The following ZMAT5 variants were observed in gnomAD, a reference collection of about 807,000 sequenced individuals.
ZMAT5 encodes zinc finger matrin-type 5.
Under a neutral mutation model 28.0 loss-of-function variants are expected in ZMAT5, and 23 were observed. That is an observed-to-expected ratio of 0.82 (90% CI 0.59 to 1.16). The LOEUF is 1.16. ZMAT5 is among the 50% of genes most tolerant of loss of function. ZMAT5 has a pLI of 0.00. For missense variants in ZMAT5, 173 were observed against 212.7 expected (o/e 0.81, Z 1.16); for synonymous variants, 76 against 84.1 (o/e 0.90, Z 0.52).
chr22:29,736,893 G>A lies in ZMAT5; in HGVS notation c.383+1437C>T, dbSNP rs1047151415. On this transcript the variant is annotated intron_variant, in intron 5 of 5. Coordinates refer to ENST00000344318, the MANE Select transcript of ZMAT5 (RefSeq NM_001003692.2). ...CACAAAAAAATTAGCCGGGCGTGGT[G>A]GCGGGTGCCTGTAGTCCCAGCTACT... Among the ~76,000 whole-genome samples, 20 of 152,032 alleles carry A rather than the reference G, an allele frequency of 1.3e-4. 3 individuals carry two copies. Among genetic ancestry groups the A allele is most frequent in the Admixed American group, 1.2e-3 (18 of 15,268 alleles).
At chr22:29,761,812 G>C (rs946505963) in intron 1 of ZMAT5, among the ~76,000 whole-genome samples, 1 of 152,280 alleles carries the variant, frequency 6.6e-6, no homozygotes, top group East Asian at 1.9e-4. Flanking sequence ...TTAGAGTTGT[G>C]ATTTTAGATT....
At chr22:29,745,258 G>A (rs570438400) in intron 2 of ZMAT5, among the ~76,000 whole-genome samples, 1 of 152,174 alleles carries the variant, frequency 6.6e-6, no homozygotes, top group South Asian at 2.1e-4. Flanking sequence ...TGGTGGGGGG[G>A]CCTGGCTTGG....
At chr22:29,765,145 G>A (rs1016696397) in intron 1 of ZMAT5, among the ~76,000 whole-genome samples, 5 of 152,142 alleles carry the variant, frequency 3.3e-5, no homozygotes, top group Admixed American at 2.0e-4. Flanking sequence ...TCAGCTGGAC[G>A]CGGTGGCTCA....
At chr22:29,757,822 A>T (rs1360930240) in intron 1 of ZMAT5, among the ~76,000 whole-genome samples, 2 of 152,210 alleles carry the variant, frequency 1.3e-5, no homozygotes, top group Non-Finnish European at 2.9e-5. Context: ...GTTCGAGACC[A>T]GCCTGACCAA....
rs375736975 is a variant in ZMAT5, at chr22:29,760,246, G to A, written c.-28+6626C>T. On this transcript the variant is annotated intron_variant, in intron 1 of 5. Transcript: ENST00000344318. ...AAATTAGCTGGGCATGGTGGCAGGC[G>A]CCTGTAATCCCAGCTACTCAGGAGG... is the stretch of plus-strand genomic sequence containing the variant. 2.9e-3 allele frequency among the ~76,000 whole-genome samples: 443 copies of A among 151,922 alleles called. 2 individuals are homozygous for A. Among genetic ancestry groups the A allele is most frequent in the African/African-American group, 0.01 (423 of 41,426 alleles).
chr22:29,765,438 C>CA (rs1023962256), intron 1 of ZMAT5, among the ~76,000 whole-genome samples: 53 of 151,596 alleles, frequency 3.5e-4, no homozygotes, highest in Non-Finnish European at 5.3e-4. Context: ...AAACAAAAAA[C>CA]AAAAAAAACT....
chr22:29,755,155 C>T (rs914188137), intron 1 of ZMAT5, among the ~76,000 whole-genome samples: 3 of 151,804 alleles, frequency 2.0e-5, no homozygotes, highest in Admixed American at 1.3e-4. Context: ...ATTAGCCAGG[C>T]GTGGTGGCAC....
intron 1 of ZMAT5, among the ~76,000 whole-genome samples, chr22:29,759,123 G>T (rs556025883): frequency 2.0e-5 from 3 of 152,144 alleles, no homozygotes; most frequent in African/African-American, 7.2e-5. Flanking sequence ...TGGGCTCCAG[G>T]AACTGCGGGC....
intron 1 of ZMAT5, among the ~76,000 whole-genome samples, chr22:29,755,727 A>G (rs140131): frequency 0.47 from 64,586 of 138,556 alleles, 14,241 homozygotes; most frequent in East Asian, 0.64. Context: ...TGTTAGTGTC[A>G]GTAACAATAA....
intron 5 of ZMAT5, among the ~76,000 whole-genome samples, chr22:29,732,915 A>C (rs1440753710): frequency 6.6e-6 from 1 of 152,176 alleles, no homozygotes; most frequent in Non-Finnish European, 1.5e-5. Context: ...CCCAAGGCGC[A>C]GGGCCAGGCC....
chr22:29,755,634 C>A (rs905763586), intron 1 of ZMAT5, among the ~76,000 whole-genome samples: 2 of 152,170 alleles, frequency 1.3e-5, no homozygotes. Flanking sequence ...TTTTACAGAC[C>A]AGAAAACAGT....
chr22:29,750,988 C>T (rs1046878512), intron 1 of ZMAT5, among the ~76,000 whole-genome samples: 35 of 152,188 alleles, frequency 2.3e-4, no homozygotes, highest in Non-Finnish European at 3.7e-4. Context: ...GCAGAGGGAC[C>T]GTGTCCCAGA....
intron 5 of ZMAT5, among the ~76,000 whole-genome samples, chr22:29,734,714 T>C (rs2067887637): frequency 6.6e-6 from 1 of 152,158 alleles, no homozygotes; most frequent in African/African-American, 2.4e-5. Flanking sequence ...AAATCACAAA[T>C]GATGCCTCAT....
intron 5 of ZMAT5, among the ~76,000 whole-genome samples, chr22:29,737,079 T>C (rs1183991087): frequency 7.2e-6 from 1 of 139,840 alleles, no homozygotes; most frequent in Non-Finnish European, 1.5e-5. Context: ...TCCCAACACG[T>C]TGCACTTTGG....
At chr22:29,748,219 G>C (rs896603857) in intron 2 of ZMAT5, 199 bp downstream of exon 2, 1 of 700,806 alleles carries the variant, frequency 1.4e-6, no homozygotes, top group Admixed American at 2.4e-5. Context: ...CCTGTCCACA[G>C]AGCCTTCAGT....
chr22:29,742,306 G>A, intron 3 of ZMAT5, 112 bp downstream of exon 3: 3 of 1,067,804 alleles, frequency 2.8e-6, no homozygotes, highest in Non-Finnish European at 1.4e-6. Context: ...CTGCTGCAAA[G>A]TGGGCTTGGG....
intron 4 of ZMAT5, 124 bp downstream of exon 4, chr22:29,740,526 C>T (rs1569335874): frequency 9.9e-7 from 1 of 1,009,480 alleles, no homozygotes; most frequent in African/African-American, 1.6e-5. Context: ...CTCCGCATCA[C>T]CCTGGGTGGC....
At position 29,752,219 on chromosome 22, in the gene ZMAT5, G is replaced by A. The variant is rs1210290906; in HGVS notation, c.-27-3648C>T. 4.6e-5 allele frequency among the ~76,000 whole-genome samples: 7 copies of A among 152,262 alleles called. No individual in the cohort carries two copies. The East Asian group carries it at 1.2e-3, about 25-fold the overall frequency. ...CAGGAAAGCCTGTCTTCATGCTGCC[G>A]TGCTAGCTGTCCCAAACACCAGCCC... On this transcript the variant is annotated intron_variant, in intron 1 of 5. Coordinates refer to ENST00000344318, the MANE Select transcript of ZMAT5 (RefSeq NM_001003692.2).
intron 1 of ZMAT5, among the ~76,000 whole-genome samples, chr22:29,764,249 T>A (rs968942772): frequency 6.6e-6 from 1 of 152,228 alleles, no homozygotes; most frequent in Non-Finnish European, 1.5e-5. Flanking sequence ...GCCAGATTGG[T>A]TGGAAATGAT....
Sources: gnomAD v4.1 joint callset for allele counts (sites outside exome capture counted in the v4.1 genomes callset) on GRCh38, gnomAD v4.1.1 for gene constraint, MANE v1.5 for transcripts, NCBI Gene and HGNC (gene_info 2026-07-23, HGNC 2026-07-21) for gene names.